The following CDH15 variants were observed in gnomAD, a reference collection of about 807,000 sequenced individuals.
CDH15 encodes the protein cadherin 15.
CDH15 carries 73 observed loss-of-function variants against 69.4 expected under a neutral mutation model. The ratio of observed to expected loss-of-function variants is 1.05; its 90% CI spans 0.87 to 1.28. The LOEUF is 1.28. Among genes scored for constraint, CDH15 ranks in the 50% most tolerant of loss-of-function variants. CDH15 has a pLI of 0.00. For synonymous variants in CDH15, 624 were observed against 507.7 expected (o/e 1.23, Z -3.08); for missense variants, 1,343 against 1,133.6 (o/e 1.18, Z -2.65).
chr16:89,174,782 G>C lies in CDH15; in HGVS notation c.42+2909G>C, dbSNP rs969352760. 3.9e-5 allele frequency among the ~76,000 whole-genome samples: 6 copies of C among 152,170 alleles called. No homozygotes were observed. In the East Asian group the frequency reaches 1.2e-3, roughly 29 times the overall value. On this transcript the variant is annotated intron_variant, in intron 1 of 13. Coordinates refer to ENST00000289746, the MANE Select transcript of CDH15 (RefSeq NM_004933.3). The stretch of plus-strand genomic sequence containing the variant: ...AATGTCCATGGGTCTTGCCTGGCTT[G>C]GGTGGGGGACAGAGAGGAGTGGACG...
chr16:89,175,250 T>C (rs571033467), intron 1 of CDH15, among the ~76,000 whole-genome samples: 2 of 152,278 alleles, frequency 1.3e-5, no homozygotes, highest in African/African-American at 2.4e-5. Context: ...CCAGGTTTGG[T>C]GGCAGCTGGG....
At chr16:89,185,754 G>A (rs964467532) in intron 5 of CDH15, 1 of 289,916 alleles carries the variant, frequency 3.4e-6, no homozygotes, top group Non-Finnish European at 6.8e-6. Context: ...ACTGTTACGT[G>A]GTCTTTGTCC....
chr16:89,191,900 C>T lies in CDH15; in HGVS notation c.1615+6C>T. 1 of 1,550,456 alleles carries T rather than the reference C, an allele frequency of 6.4e-7. No homozygotes were observed. Among genetic ancestry groups the T allele is most frequent in the East Asian group, 2.4e-5 (1 of 42,350 alleles). On this transcript the variant is annotated splice_donor_region_variant and intron_variant, in intron 10 of 13. Coordinates refer to ENST00000289746, the MANE Select transcript of CDH15 (RefSeq NM_004933.3). ...GAGCCTCAGCCAGGTCAACGGTGCG[C>T]TCCCCTCACCGCCGCGCTCCCCCCA...
chr16:89,178,366 G>A (rs80024341), intron 1 of CDH15, among the ~76,000 whole-genome samples: 11,560 of 152,212 alleles, frequency 0.076, 966 homozygotes, highest in East Asian at 0.44. Context: ...CAAACAGTGC[G>A]TCCCAGCCCC....
Position 89,195,286 on chromosome 16 carries a change from A to G in CDH15, c.*131A>G, listed in dbSNP as rs1341329926. 2.1e-6 allele frequency: 2 copies of G among 966,564 alleles called. No homozygotes were observed. The highest frequency in any genetic ancestry group is 3.5e-5 in the South Asian group (2 of 57,156). The allele number at this position is 966,564 out of a possible 1,614,324, so 59.9% of individuals were successfully genotyped here. A position where few individuals can be genotyped will look rare whatever the true frequency, so the allele number is the denominator to read the frequency against. Reference sequence around the variant, plus strand: ...CCTCCTTCCTGTAGGCGAGGGCCCAAGTCTGGGGGCAGAACCTGAGTGTGG... The same window carrying G: ...CCTCCTTCCTGTAGGCGAGGGCCCAGGTCTGGGGGCAGAACCTGAGTGTGG... On this transcript the variant is annotated 3_prime_UTR_variant, in exon 14 of 14. Transcript: ENST00000289746.
At chr16:89,179,385 G>A in intron 1 of CDH15, 31 bp from the exon 2 acceptor site, 1 of 1,612,968 alleles carries the variant, frequency 6.2e-7, no homozygotes, top group South Asian at 1.1e-5. Context: ...CCAGGAGACG[G>A]TACTGTGGGA....
chr16:89,190,198 C>G (rs1345029194), intron 7 of CDH15, 45 bp from the exon 8 acceptor site: 3 of 1,601,546 alleles, frequency 1.9e-6, no homozygotes, highest in East Asian at 4.5e-5. Flanking sequence ...CTCGGGTGCC[C>G]ACACTTGCGT....
rs774448155 is a variant in CDH15, at chr16:89,190,236, C to T, written c.979-7C>T. ...GGCGGATGACGGGCTGTGCTTCCTT[C>T]CCTCAGGCCCTGGACTATGAGAGCT... is the stretch of plus-strand genomic sequence containing the variant. On this transcript the variant is annotated splice_polypyrimidine_tract_variant and splice_region_variant and intron_variant, in intron 7 of 13. Transcript: ENST00000289746. 6.2e-6 allele frequency: 10 copies of T among 1,611,580 alleles called. No homozygotes were observed. Among genetic ancestry groups the T allele is most frequent in the Admixed American group, 5.0e-5 (3 of 59,860 alleles).
intron 11 of CDH15, among the ~76,000 whole-genome samples, 165 bp downstream of exon 11, chr16:89,192,609 C>G (rs549227909): frequency 8.6e-6 from 1 of 115,662 alleles, no homozygotes; most frequent in African/African-American, 3.6e-5. Context: ...TCCGCCTCCT[C>G]CCTAACCCCG....
At chr16:89,175,084 C>A (rs529403835) in intron 1 of CDH15, among the ~76,000 whole-genome samples, 1 of 152,332 alleles carries the variant, frequency 6.6e-6, no homozygotes, top group South Asian at 2.1e-4. Context: ...GGCAAGTGAG[C>A]CCTGCCAAGG....
chr16:89,171,895 G>C (rs1915160608), intron 1 of CDH15, 22 bp downstream of exon 1: 1 of 1,547,576 alleles, frequency 6.5e-7, no homozygotes, highest in African/African-American at 1.4e-5. Context: ...GCACCTGCGG[G>C]GGTCCCCGCT....
chr16:89,184,925 G>A (rs1251214449), intron 4 of CDH15, among the ~76,000 whole-genome samples: 2 of 152,238 alleles, frequency 1.3e-5, no homozygotes, highest in Non-Finnish European at 2.9e-5. Context: ...AAAAGGCTTC[G>A]ACCACATAGG....
chr16:89,185,262 A>G lies in CDH15; in HGVS notation c.592A>G (p.Ser198Gly), dbSNP rs1488956477. ...ALRFSILQQG[S>G]PELFSIDELT... ...GCGGTTCTCCATCCTGCAGCAGGGC[A>G]GCCCCGAGCTCTTCAGCATCGACGA... The change falls in exon 5 of 14, where the codon AGC becomes GGC. Residue 198 changes from serine (S) to glycine (G), a missense_variant. Transcript: ENST00000289746. 3.1e-6 allele frequency: 5 copies of G among 1,606,078 alleles called. No individual in the cohort carries two copies. Among genetic ancestry groups the G allele is most frequent in the Non-Finnish European group, 4.2e-6 (5 of 1,176,694 alleles).
chr16:89,178,920 A>C lies in CDH15; in HGVS notation c.43-496A>C, dbSNP rs1031243735. Among the ~76,000 whole-genome samples, 4 of 152,180 alleles carry C rather than the reference A, an allele frequency of 2.6e-5. No individual in the cohort carries two copies. The East Asian group carries it at 7.7e-4, about 29-fold the overall frequency. On this transcript the variant is annotated intron_variant, in intron 1 of 13. Transcript: ENST00000289746. ...GCACCGCCACTGGCTTCTTGGGGTC[A>C]TTCCGTGTCAGGACCCCACGCTCTC...
At chr16:89,188,908 A>G (rs369308692) in intron 7 of CDH15, among the ~76,000 whole-genome samples, 479 of 136,848 alleles carry the variant, frequency 3.5e-3, no homozygotes, top group African/African-American at 0.013. Flanking sequence ...CCACACACAC[A>G]TGCCCACACA....
chr16:89,180,997 C>CTTTTTTTTTTTTTTTTTTTT (rs1567771877), intron 3 of CDH15, among the ~76,000 whole-genome samples: 6 of 70,022 alleles, frequency 8.6e-5, no homozygotes, highest in African/African-American at 3.6e-4. Flanking sequence ...TGAGATGGAG[C>CTTTTTTTTTTTTTTTTTTTT]TTCACTCTAC....
intron 3 of CDH15, among the ~76,000 whole-genome samples, chr16:89,181,811 C>T (rs983696041): frequency 2.0e-5 from 3 of 151,692 alleles, no homozygotes; most frequent in East Asian, 2.0e-4. Context: ...TTCTAGCGTG[C>T]GCCTGTAGTC....
chr16:89,192,002 C>A, intron 10 of CDH15, 108 bp downstream of exon 10: 1 of 1,233,650 alleles, frequency 8.1e-7, no homozygotes. Context: ...ACCCGTGGTC[C>A]TGCAACAGGT....
At position 89,193,543 on chromosome 16, in the gene CDH15, C is replaced by A. The variant is rs769744013; in HGVS notation, c.1929C>A (p.Pro643=). The A allele has an allele frequency of 6.2e-7, 1 of 1,611,614 alleles. No homozygotes were observed. The highest frequency in any genetic ancestry group is 8.5e-7 in the Non-Finnish European group (1 of 1,179,648). ...QSRGKGLLHG[P]QDDLRDNVLN... ...GGGGCAAGGGGCTGCTGCACGGCCC[C>A]CAGGACGACCTTCGAGACAATGTCC... The change falls in exon 12 of 14, where the codon CCC becomes CCA. Residue 643 remains proline (P), a synonymous_variant. Transcript: ENST00000289746.
Sources: allele counts gnomAD v4.1 joint callset (sites outside exome capture counted in the v4.1 genomes callset), GRCh38; gene constraint gnomAD v4.1.1; transcripts MANE v1.5; gene names NCBI Gene and HGNC (gene_info 2026-07-23, HGNC 2026-07-21).